Variants in PLEKHA5 observed in about 807,000 individuals in gnomAD.
PLEKHA5 encodes pleckstrin homology domain containing A5.
PLEKHA5 carries 55 observed loss-of-function variants against 181.9 expected under a neutral mutation model. The ratio of observed to expected loss-of-function variants is 0.30; its 90% confidence interval spans 0.24 to 0.38. The LOEUF (loss-of-function observed/expected upper bound fraction) is 0.38. PLEKHA5 is among the 10% of genes least tolerant of loss of function. The probability of loss-of-function intolerance (pLI) is 1.00; values close to 1 mark genes in which losing one functional copy is unlikely to be tolerated. For missense variants in PLEKHA5, 1,432 were observed against 1,549.5 expected (o/e 0.92, Z 1.27); for synonymous variants, 535 against 529.4 (o/e 1.01, Z -0.15).
chr12:19,342,067 A>G, intron 21 of PLEKHA5, among the ~76,000 whole-genome samples: 1 of 152,152 alleles, frequency 6.6e-6, no homozygotes, highest in East Asian at 1.9e-4. Context: ...GGACTTTTTT[A>G]GCATATTGAT....
intron 28 of PLEKHA5, among the ~76,000 whole-genome samples, chr12:19,360,314 CAAAA>C (rs2095168628): frequency 8.4e-5 from 12 of 142,558 alleles, no homozygotes; most frequent in Admixed American, 3.5e-4. Flanking sequence ...AAAAAAAAAA[CAAAA>C]AAAACGTGGC....
intron 5 of PLEKHA5, among the ~76,000 whole-genome samples, chr12:19,256,929 C>A (rs141809139): frequency 8.4e-4 from 128 of 152,254 alleles, no homozygotes; most frequent in African/African-American, 3.1e-3. Flanking sequence ...TCACATTAAG[C>A]AGATCCTTCC....
At chr12:19,338,565 G>A (rs539094770) in intron 21 of PLEKHA5, among the ~76,000 whole-genome samples, 15 of 151,326 alleles carry the variant, frequency 9.9e-5, no homozygotes, top group South Asian at 2.1e-4. Context: ...TGGAGATCAC[G>A]CAACTGTATG....
Position 19,264,851 on chromosome 12 carries a change from G to A in PLEKHA5, c.611-899G>A, listed in dbSNP as rs530078514. ...ATTTCACTTTTATGATTTCTCATTG[G>A]TGAGTTTATTAGCCTGATGACACCG... On this transcript the variant is annotated intron_variant, in intron 7 of 31. Coordinates refer to ENST00000429027, the MANE Select transcript of PLEKHA5 (RefSeq NM_001256470.2). Among the ~76,000 whole-genome samples the A allele has an allele frequency of 3.9e-5, 6 of 152,250 alleles. No homozygotes were observed. In the South Asian group the frequency reaches 6.2e-4, roughly 16 times the overall value.
At chr12:19,195,520 T>G (rs2052459424) in intron 3 of PLEKHA5, among the ~76,000 whole-genome samples, 1 of 151,102 alleles carries the variant, frequency 6.6e-6, no homozygotes, top group South Asian at 2.1e-4. Flanking sequence ...AATACAAAAA[T>G]TTAGCCGGGC....
intron 11 of PLEKHA5, 83 bp from the exon 12 acceptor site, chr12:19,283,196 TG>T: frequency 1.4e-6 from 1 of 736,314 alleles, no homozygotes; most frequent in Non-Finnish European, 2.1e-6. Flanking sequence ...TTTTACTTAC[TG>T]GAACAAAAGA....
intron 3 of PLEKHA5, among the ~76,000 whole-genome samples, chr12:19,144,977 A>G (rs988329914): frequency 6.6e-6 from 1 of 152,212 alleles, no homozygotes; most frequent in African/African-American, 2.4e-5. Flanking sequence ...AAAGATATAA[A>G]TAATTGGTAT....
Position 19,375,831 on chromosome 12 carries a change from A to T in PLEKHA5, c.*312A>T, listed in dbSNP as rs1441286357. On this transcript the variant is annotated 3_prime_UTR_variant, in exon 32 of 32. Transcript: ENST00000429027. ...ATTTCCAGAGCTTACTTAGTTGCTG[A>T]TTTCCAGATTTCGATGTTTCTTAAG... 6.6e-6 allele frequency: 1 copy of T among 152,530 alleles called. No individual in the cohort carries two copies. The highest frequency in any genetic ancestry group is 1.5e-5 in the Non-Finnish European group (1 of 68,034). 9.4% of individuals were successfully genotyped at this position (152,530 alleles called of 1,614,324 possible). A position where few individuals can be genotyped will look rare whatever the true frequency, so the allele number is the denominator to read the frequency against.
intron 20 of PLEKHA5, among the ~76,000 whole-genome samples, chr12:19,325,760 G>A (rs1428348899): frequency 6.6e-6 from 1 of 151,462 alleles, no homozygotes; most frequent in Non-Finnish European, 1.5e-5. Context: ...TGTAATCTTA[G>A]CACTTTGGGA....
intron 3 of PLEKHA5, among the ~76,000 whole-genome samples, chr12:19,193,204 T>G (rs549668168): frequency 6.6e-6 from 1 of 152,322 alleles, no homozygotes; most frequent in East Asian, 1.9e-4. Flanking sequence ...TAATGTGGTT[T>G]TGATTTTTTA....
At chr12:19,216,668 A>G (rs1432778990) in intron 3 of PLEKHA5, among the ~76,000 whole-genome samples, 3 of 152,052 alleles carry the variant, frequency 2.0e-5, no homozygotes, top group African/African-American at 7.2e-5. Flanking sequence ...ATCTCAAAAA[A>G]AAAAAAAAAA....
chr12:19,182,927 T>C (rs979571246), intron 3 of PLEKHA5, among the ~76,000 whole-genome samples: 12 of 152,182 alleles, frequency 7.9e-5, no homozygotes, highest in African/African-American at 2.7e-4. Flanking sequence ...AAGAGAATAA[T>C]GTTTAAACGT....
intron 3 of PLEKHA5, among the ~76,000 whole-genome samples, chr12:19,177,216 T>G (rs969257816): frequency 2.4e-4 from 37 of 152,164 alleles, no homozygotes; most frequent in African/African-American, 7.7e-4. Context: ...ATGTCTCTTA[T>G]CAGTTTCCAA....
chr12:19,263,492 A>G (rs1377135771), intron 7 of PLEKHA5, among the ~76,000 whole-genome samples: 1 of 152,036 alleles, frequency 6.6e-6, no homozygotes, highest in African/African-American at 2.4e-5. Flanking sequence ...TTTCTTCTCC[A>G]TTTCTCAAAG....
chr12:19,200,299 A>AT lies in PLEKHA5; in HGVS notation c.228-53633dup, dbSNP rs537407812. ...AAAAAAAAATTTAAACATTAAAACA[A>AT]TTTTTTTTATCCTTTATCCTTCCAG... is the stretch of plus-strand genomic sequence containing the variant. On this transcript the variant is annotated intron_variant, in intron 3 of 31. Coordinates refer to ENST00000429027, the MANE Select transcript of PLEKHA5 (RefSeq NM_001256470.2). 717 of 1,506,576 alleles carry AT rather than the reference A, an allele frequency of 4.8e-4. 4 individuals are homozygous for AT. The African/African-American group carries it at 8.3e-3, about 17-fold the overall frequency. The allele number at this position is 1,506,576 out of a possible 1,614,324, so 93.3% of individuals were successfully genotyped here.
intron 3 of PLEKHA5, among the ~76,000 whole-genome samples, chr12:19,234,011 T>G (rs560726082): frequency 5.9e-5 from 9 of 152,196 alleles, no homozygotes; most frequent in Non-Finnish European, 1.0e-4. Context: ...TCAGTGACAT[T>G]TGGGGAAAAC....
chr12:19,199,972 G>T (rs572121807), intron 3 of PLEKHA5, among the ~76,000 whole-genome samples: 29 of 152,206 alleles, frequency 1.9e-4, no homozygotes, highest in African/African-American at 7.0e-4. Context: ...GTGGAATGAT[G>T]ACAGTATAGG....
chr12:19,368,039 T>G (rs182780526), intron 30 of PLEKHA5, among the ~76,000 whole-genome samples: 103 of 152,160 alleles, frequency 6.8e-4, no homozygotes, highest in African/African-American at 2.4e-3. Flanking sequence ...CAGAACATCT[T>G]CCGTATCTTA....
chr12:19,230,726 C>T (rs949295676), intron 3 of PLEKHA5, among the ~76,000 whole-genome samples: 4 of 152,092 alleles, frequency 2.6e-5, no homozygotes, highest in East Asian at 1.9e-4. Flanking sequence ...CGGTTCCCAC[C>T]GGCACCTCTC....
Sources: gnomAD v4.1 joint callset for allele counts (sites outside exome capture counted in the v4.1 genomes callset) on GRCh38, gnomAD v4.1.1 for gene constraint, MANE v1.5 for transcripts, NCBI Gene and HGNC (gene_info 2026-07-23, HGNC 2026-07-21) for gene names.